WARS1: variants seen among roughly 807,000 people sequenced by gnomAD.
WARS1 encodes the protein tryptophan--tRNA ligase, cytoplasmic.
A neutral mutation model predicts 47.8 loss-of-function variants in WARS1; 17 were observed. The ratio of observed to expected loss-of-function variants is 0.36; its 90% CI spans 0.24 to 0.53. The LOEUF (loss-of-function observed/expected upper bound fraction) is 0.53. Ranked by LOEUF, WARS1 falls within the 20% of genes least tolerant of loss-of-function variation. The pLI is 0.91. For missense variants in WARS1, 434 were observed against 608.0 expected (o/e 0.71, Z 3.01); for synonymous variants, 208 against 228.1 (o/e 0.91, Z 0.79).
At chr14:100,361,117 TG>T (rs1324640961) in intron 3 of WARS1, among the ~76,000 whole-genome samples, 3 of 152,278 alleles carry the variant, frequency 2.0e-5, no homozygotes, top group Non-Finnish European at 2.9e-5. Flanking sequence ...TTTCCCTCAT[TG>T]ATAGTCTATA....
In WARS1 at chr14:100,338,966, C is replaced by T. The variant is rs555383200; in HGVS notation, c.1114-1764G>A. 8.6e-5 allele frequency among the ~76,000 whole-genome samples: 13 copies of T among 151,608 alleles called. No homozygotes were observed. The East Asian group carries it at 1.2e-3, about 14-fold the overall frequency. ...TACTGAAACTACAAAATTAGCTGGG[C>T]GTGGTGTCATGTGCCTGTAATCCCA... On this transcript the variant is annotated intron_variant, in intron 9 of 10. Coordinates refer to ENST00000392882, the MANE Select transcript of WARS1 (RefSeq NM_004184.4).
chr14:100,356,415 T>C (rs1318198313), intron 4 of WARS1, among the ~76,000 whole-genome samples: 1 of 134,910 alleles, frequency 7.4e-6, no homozygotes, highest in African/African-American at 2.6e-5. Flanking sequence ...GGGTGTGGAA[T>C]AAAAGAGAAG....
chr14:100,371,447 C>CAAAAAAAAAAAACAAAAAAAAAAA (rs1896341111), intron 1 of WARS1, among the ~76,000 whole-genome samples: 1 of 89,102 alleles, frequency 1.1e-5, no homozygotes, highest in Non-Finnish European at 2.9e-5. Context: ...GGTTCTGTCT[C>CAAAAAAAAAAAACAAAAAAAAAAA]AAAAAAAAAA....
At chr14:100,348,674 GCTGT>G (rs1894781775) in intron 6 of WARS1, among the ~76,000 whole-genome samples, 2 of 152,176 alleles carry the variant, frequency 1.3e-5, no homozygotes, top group African/African-American at 2.4e-5. Context: ...AAGGACAGCA[GCTGT>G]CTGTCACCTG....
chr14:100,346,852 A>T lies in WARS1; in HGVS notation c.726-6T>A. On this transcript the variant is annotated splice_region_variant and splice_polypyrimidine_tract_variant and intron_variant, in intron 6 of 10. Transcript: ENST00000392882. ...TGTAGAAACCTGAGCTCATCCTGCA[A>T]AGACAACGAGAATGAAATCCCAAAC... The T allele has an allele frequency of 6.2e-7, 1 of 1,611,386 alleles. No homozygotes were observed. Among genetic ancestry groups the T allele is most frequent in the Non-Finnish European group, 8.5e-7 (1 of 1,177,714 alleles).
chr14:100,340,864 T>G (rs1894112452), intron 9 of WARS1, among the ~76,000 whole-genome samples: 1 of 152,054 alleles, frequency 6.6e-6, no homozygotes, highest in Admixed American at 6.5e-5. Context: ...TACTGGTCCC[T>G]AAGTGAATGA....
chr14:100,372,079 C>T (rs948388754), intron 1 of WARS1, among the ~76,000 whole-genome samples: 2 of 152,188 alleles, frequency 1.3e-5, no homozygotes, highest in Admixed American at 6.5e-5. Flanking sequence ...TGCCACCTGC[C>T]CGCCAGAGAA....
At chr14:100,367,048 T>TAA in intron 2 of WARS1, 11 of 610,796 alleles carry the variant, frequency 1.8e-5, no homozygotes, top group East Asian at 3.4e-5. Flanking sequence ...AAAATAAGAT[T>TAA]AAAAAAAAAA....
At position 100,334,597 on chromosome 14, in the gene WARS1, T is replaced by G. The variant is rs1271959777; in HGVS notation, c.*278A>C. The G allele has an allele frequency of 3.2e-6, 1 of 313,804 alleles. No homozygotes were observed. Among genetic ancestry groups the G allele is most frequent in the Non-Finnish European group, 5.9e-6 (1 of 168,070 alleles). 19.4% of individuals were successfully genotyped at this position (313,804 alleles called of 1,614,324 possible). ...ATGGACTTCCAGCCAAAGGCTCCACTGTGGGGCTGCTTTGGGGAGAGACTC... is the reference window on the plus strand; with the variant it reads ...ATGGACTTCCAGCCAAAGGCTCCACGGTGGGGCTGCTTTGGGGAGAGACTC... On this transcript the variant is annotated 3_prime_UTR_variant, in exon 11 of 11. Coordinates refer to ENST00000392882, the MANE Select transcript of WARS1 (RefSeq NM_004184.4).
intron 5 of WARS1, 37 bp downstream of exon 5, chr14:100,354,410 T>A (rs939741407): frequency 6.2e-7 from 1 of 1,602,036 alleles, no homozygotes; most frequent in Non-Finnish European, 8.5e-7. Context: ...CTCAATTCAC[T>A]AAGAGAGTAA....
At chr14:100,360,324 A>C (rs1895580886) in intron 4 of WARS1, among the ~76,000 whole-genome samples, 1 of 152,136 alleles carries the variant, frequency 6.6e-6, no homozygotes, top group Non-Finnish European at 1.5e-5. Context: ...TATGATTCCC[A>C]CCTTGTGAGG....
Position 100,373,815 on chromosome 14 carries a change from A to G in WARS1, c.-74+1468T>C, listed in dbSNP as rs1434107210. 1.5e-5 allele frequency among the ~76,000 whole-genome samples: 2 copies of G among 136,450 alleles called. No individual in the cohort carries two copies. The highest frequency in any genetic ancestry group is 3.1e-5 in the Non-Finnish European group (2 of 64,082). The allele number at this position is 136,450 out of a possible 152,430, so 89.5% of individuals were successfully genotyped here. On this transcript the variant is annotated intron_variant, in intron 1 of 10. Transcript: ENST00000392882. The surrounding 1 kb of genome is among the most constrained non-coding windows in gnomAD (Gnocchi z 4.4). ...ACTTTGCGTGGGAATCATCCACACTATTGAAATCTTGTGTGTGTGTGTGTG... is the reference window on the plus strand; with the variant it reads ...ACTTTGCGTGGGAATCATCCACACTGTTGAAATCTTGTGTGTGTGTGTGTG...
chr14:100,344,429 G>A lies in WARS1; in HGVS notation c.827-1042C>T, dbSNP rs1022055508. The stretch of plus-strand genomic sequence containing the variant: ...GAGTGCAGTGGTGTGATCTCGGCTC[G>A]CTACAACCTCCACCTCCCAGCCGCC... On this transcript the variant is annotated intron_variant, in intron 7 of 10. Transcript: ENST00000392882. Among the ~76,000 whole-genome samples the A allele has an allele frequency of 2.6e-5, 4 of 152,192 alleles. No homozygotes were observed. The East Asian group carries it at 5.8e-4, about 22-fold the overall frequency.
At chr14:100,371,716 CAGAG>C (rs983031964) in intron 1 of WARS1, among the ~76,000 whole-genome samples, 1 of 152,114 alleles carries the variant, frequency 6.6e-6, no homozygotes, top group African/African-American at 2.4e-5. Context: ...ACCTGGGCAA[CAGAG>C]AGAGACTCTG....
At chr14:100,365,490 G>A in intron 2 of WARS1, 2 of 265,148 alleles carry the variant, frequency 7.5e-6, no homozygotes, top group Non-Finnish European at 7.7e-6. Flanking sequence ...CAGGGCAGGA[G>A]AATCGCTCGA....
Position 100,346,770 on chromosome 14 carries a change from C to T in WARS1, c.802G>A (p.Gly268Ser), listed in dbSNP as rs1408906139. ...VTFNQVKGIFGFTDSDCIGKI... is the reference protein window; with the variant it reads ...VTFNQVKGIFSFTDSDCIGKI... ...CCAATGCAGTCGCTGTCAGTGAAGCCGAAAATGCCTTTCACTTGGTTGAAG... is the reference window on the plus strand; with the variant it reads ...CCAATGCAGTCGCTGTCAGTGAAGCTGAAAATGCCTTTCACTTGGTTGAAG... The change falls in exon 7 of 11, where the codon GGC (glycine) becomes AGC (serine). Residue 268 changes from glycine (G) to serine (S), a missense_variant. Transcript: ENST00000392882. The T allele has an allele frequency of 6.2e-7, 1 of 1,614,118 alleles. No individual in the cohort carries two copies. The highest frequency in any genetic ancestry group is 8.5e-7 in the Non-Finnish European group (1 of 1,179,976).
chr14:100,363,255 G>A (rs1364819655), intron 2 of WARS1, among the ~76,000 whole-genome samples: 1 of 151,900 alleles, frequency 6.6e-6, no homozygotes, highest in African/African-American at 2.4e-5. Flanking sequence ...GAGGCTCTGC[G>A]AAAGTCAAAC....
chr14:100,341,039 C>T (rs972305688), intron 9 of WARS1, among the ~76,000 whole-genome samples: 3 of 151,674 alleles, frequency 2.0e-5, no homozygotes, highest in Admixed American at 1.3e-4. Flanking sequence ...CTCAGCCTCC[C>T]GAGTAGCTGG....
rs1023752506 is a variant in WARS1, at chr14:100,353,537, C to T, written c.725+150G>A. 2.3e-5 allele frequency: 23 copies of T among 1,008,942 alleles called. No homozygotes were observed. The East Asian group carries it at 6.3e-4, about 28-fold the overall frequency. 62.5% of individuals were successfully genotyped at this position (1,008,942 alleles called of 1,614,324 possible). A position where few individuals can be genotyped will look rare whatever the true frequency, so the allele number is the denominator to read the frequency against. ...TGCTGGGATTACAGGTGTGAGCCAC[C>T]ATGGCTGGCCACTCATAGCATTTAA... On this transcript the variant is annotated intron_variant, in intron 6 of 10. Transcript: ENST00000392882.
Sources: gnomAD v4.1 joint callset for allele counts (sites outside exome capture counted in the v4.1 genomes callset) on GRCh38, gnomAD v4.1.1 for gene constraint, Gnocchi (gnomAD v3.1) non-coding constraint, MANE v1.5 for transcripts, NCBI Gene and HGNC (gene_info 2026-07-23, HGNC 2026-07-21) for gene names.